Variants in HIF1AN observed in about 807,000 individuals in gnomAD.
HIF1AN encodes hypoxia-inducible factor 1-alpha inhibitor.
HIF1AN carries 21 observed loss-of-function variants against 47.7 expected under a neutral mutation model. That is an observed-to-expected ratio of 0.44 (90% CI 0.31 to 0.63). The LOEUF (loss-of-function observed/expected upper bound fraction) is 0.63, where lower values mean the gene tolerates loss of function less well. HIF1AN is among the 30% of genes least tolerant of loss of function. HIF1AN has a pLI of 0.07. For synonymous variants in HIF1AN, 152 were observed against 155.9 expected, an observed-to-expected ratio of 0.98 and a Z score of 0.18; for missense variants, 320 against 432.7, an observed-to-expected ratio of 0.74 and a Z score of 2.31.
At chr10:100,542,401 T>A (rs1247656552) in intron 3 of HIF1AN, among the ~76,000 whole-genome samples, 1 of 152,216 alleles carries the variant, frequency 6.6e-6, no homozygotes, top group East Asian at 1.9e-4. Flanking sequence ...TCGCCCAGGC[T>A]GGAGTGCAGT....
In HIF1AN at chr10:100,551,011, G is replaced by A. The variant is rs949501678; in HGVS notation, c.*2874G>A. ...GGACACACACATACAGCAAGTGAAG[G>A]TGGGGGTTTGGGCCTGTATAGAGGT... On this transcript the variant is annotated 3_prime_UTR_variant, in exon 8 of 8. Coordinates refer to ENST00000299163, the MANE Select transcript of HIF1AN (RefSeq NM_017902.3). 1 of 152,272 alleles carries A rather than the reference G, an allele frequency of 6.6e-6. No homozygotes were observed. Among genetic ancestry groups the A allele is most frequent in the African/African-American group, 2.4e-5 (1 of 41,462 alleles). The allele number at this position is 152,272 out of a possible 1,614,324, so 9.4% of individuals were successfully genotyped here.
At chr10:100,536,373 A>G (rs755835688) in intron 1 of HIF1AN, 38 bp from the exon 2 acceptor site, 74 of 1,606,276 alleles carry the variant, frequency 4.6e-5, no homozygotes, top group Non-Finnish European at 2.9e-5. Flanking sequence ...CCTTGGCATT[A>G]CTTCATTTGG....
Position 100,535,978 on chromosome 10 carries a change from A to C in HIF1AN, c.20A>C (p.Glu7Ala), listed in dbSNP as rs1852212945. ...GCGGAGATGGCGGCGACAGCGGCGG[A>C]GGCTGTGGCCTCTGGCTCTGGAGAG... MAATAA[E>A]AVASGSGEPR... The change falls in exon 1 of 8, where the codon GAG becomes GCG. Residue 7 changes from glutamate (E) to alanine (A), a missense_variant. Glu to Ala is a moderately radical substitution (Grantham distance 107). Around this residue, in one of 2 missense-constraint regions of HIF1AN, gnomAD observed 159 missense variants for 159.9 expected, o/e 0.99. Coordinates refer to ENST00000299163, the MANE Select transcript of HIF1AN (RefSeq NM_017902.3). The C allele has an allele frequency of 2.6e-6, 4 of 1,550,116 alleles. No homozygotes were observed. In the South Asian group the frequency reaches 3.6e-5, roughly 14 times the overall value.
rs147675221 is a variant in HIF1AN at position 100,545,401 on chromosome 10, A to G, written c.723+305A>G. 330 of 327,712 alleles carry G rather than the reference A, an allele frequency of 1.0e-3. 3 individuals are homozygous for G. Among genetic ancestry groups the G allele is most frequent in the African/African-American group, 6.6e-3 (314 of 47,384 alleles). 20.3% of individuals were successfully genotyped at this position (327,712 alleles called of 1,614,324 possible). On this transcript the variant is annotated intron_variant, in intron 4 of 7. Transcript: ENST00000299163. Reference sequence around the variant, plus strand: ...TATAAGTTTATGGAACAAAATGTGTATGTCTCCATTGGATTTAATCATTGT... The same window carrying G: ...TATAAGTTTATGGAACAAAATGTGTGTGTCTCCATTGGATTTAATCATTGT...
rs1330217072 is a variant in HIF1AN at position 100,551,825 on chromosome 10, C to G, written c.*3688C>G. The G allele has an allele frequency of 6.6e-6, 1 of 152,158 alleles. No individual in the cohort carries two copies. The highest frequency in any genetic ancestry group is 1.5e-5 in the Non-Finnish European group (1 of 68,048). The allele number at this position is 152,158 out of a possible 1,614,324, so 9.4% of individuals were successfully genotyped here. A position where few individuals can be genotyped will look rare whatever the true frequency, so the allele number is the denominator to read the frequency against. On this transcript the variant is annotated 3_prime_UTR_variant, in exon 8 of 8. Coordinates refer to ENST00000299163, the MANE Select transcript of HIF1AN (RefSeq NM_017902.3). Reference sequence around the variant, plus strand: ...ATGAAGCAACCAGAGGTTATAAGGCCACACTTGTATATCGTGCACCCTGTG... The same window carrying G: ...ATGAAGCAACCAGAGGTTATAAGGCGACACTTGTATATCGTGCACCCTGTG...
chr10:100,546,440 G>GCCCCCCCCCCCCCCCCCCCCCCCC, intron 5 of HIF1AN, 78 bp from the exon 6 acceptor site: 1 of 750,772 alleles, frequency 1.3e-6, no homozygotes, highest in Non-Finnish European at 2.2e-6. Flanking sequence ...GCCCAACCCT[G>GCCCCCCCCCCCCCCCCCCCCCCCC]CCACCCCCCC....
rs754199362 is a variant in HIF1AN at position 100,545,113 on chromosome 10, T to A, written c.723+17T>A. The A allele has an allele frequency of 2.2e-5, 36 of 1,613,386 alleles. No individual in the cohort carries two copies. Among genetic ancestry groups the A allele is most frequent in the Middle Eastern group, 1.6e-4 (1 of 6,072 alleles). Reference sequence around the variant, plus strand: ...CAGAGCCAGGTGAGCTTGTGTGGTCTGAGAAGGGTATAGAACTCTAGATTC... The same window carrying A: ...CAGAGCCAGGTGAGCTTGTGTGGTCAGAGAAGGGTATAGAACTCTAGATTC... On this transcript the variant is annotated intron_variant, in intron 4 of 7. Coordinates refer to ENST00000299163, the MANE Select transcript of HIF1AN (RefSeq NM_017902.3).
rs373339782 is a variant in HIF1AN, at chr10:100,543,715, G to A, written c.578-1236G>A. Among the ~76,000 whole-genome samples, 5 of 152,250 alleles carry A rather than the reference G, an allele frequency of 3.3e-5. No homozygotes were observed. In the East Asian group the frequency reaches 9.6e-4, roughly 29 times the overall value. On this transcript the variant is annotated intron_variant, in intron 3 of 7. Coordinates refer to ENST00000299163, the MANE Select transcript of HIF1AN (RefSeq NM_017902.3). ...GCCTCCCAAGTAGCTGGGACTGTAGGCGCCCGCCACCACGCCCGGCTAATT... is the reference window on the plus strand; with the variant it reads ...GCCTCCCAAGTAGCTGGGACTGTAGACGCCCGCCACCACGCCCGGCTAATT...
At chr10:100,536,187 A>G in intron 1 of HIF1AN, 52 bp downstream of exon 1, 1 of 1,506,724 alleles carries the variant, frequency 6.6e-7, no homozygotes, top group Non-Finnish European at 9.0e-7. Context: ...CCCGGTTGAG[A>G]GGTCAGAGGT....
rs1390598075 is a variant in HIF1AN at position 100,556,156 on chromosome 10, A to G, written c.*8019A>G. The stretch of plus-strand genomic sequence containing the variant: ...GGGCATATCTAGTTGTCAGCTCCTG[A>G]GCAGAGCAGAGGTATAAGTGTCAAC... On this transcript the variant is annotated 3_prime_UTR_variant, in exon 8 of 8. Transcript: ENST00000299163. 2.0e-5 allele frequency: 3 copies of G among 152,166 alleles called. No individual in the cohort carries two copies. The highest frequency in any genetic ancestry group is 4.8e-5 in the African/African-American group (2 of 41,422). The allele number at this position is 152,166 out of a possible 1,614,324, so 9.4% of individuals were successfully genotyped here.
chr10:100,550,140 G>C lies in HIF1AN; in HGVS notation c.*2003G>C, dbSNP rs556220241. 3 of 152,160 alleles carry C rather than the reference G, an allele frequency of 2.0e-5. No individual in the cohort carries two copies. The highest frequency in any genetic ancestry group is 2.0e-4 in the Admixed American group (3 of 15,274). The allele number at this position is 152,160 out of a possible 1,614,324, so 9.4% of individuals were successfully genotyped here. ...CCTCAGCAGGTCTGCTGTATTCCTC[G>C]CTCAGCGCTCAAAGATGTGGGTGAT... On this transcript the variant is annotated 3_prime_UTR_variant, in exon 8 of 8. Coordinates refer to ENST00000299163, the MANE Select transcript of HIF1AN (RefSeq NM_017902.3).
In HIF1AN at chr10:100,546,044, G is replaced by A. The variant is rs747922499; in HGVS notation, c.825G>A (p.Met275Ile). 3.7e-6 allele frequency: 6 copies of A among 1,609,082 alleles called. No homozygotes were observed. Among genetic ancestry groups the A allele is most frequent in the South Asian group, 3.3e-5 (3 of 90,930 alleles). Reference protein sequence around the residue: ...VGPGDVLYIPMYWWHHIESLL... With the variant: ...VGPGDVLYIPIYWWHHIESLL... The stretch of plus-strand genomic sequence containing the variant: ...CTGGTGATGTTCTTTACATCCCAAT[G>A]TACTGGTGAGAAGGGGGCTAGGGCT... Residue 275 changes from methionine to isoleucine, a missense_variant, in exon 5 of 8, where the codon ATG (methionine) becomes ATA (isoleucine). Transcript: ENST00000299163.
rs556257726 is a variant in HIF1AN at position 100,544,060 on chromosome 10, T to C, written c.578-891T>C. On this transcript the variant is annotated intron_variant, in intron 3 of 7. Coordinates refer to ENST00000299163, the MANE Select transcript of HIF1AN (RefSeq NM_017902.3). Reference sequence around the variant, plus strand: ...GGAAGATTGTCTAAATTCCATGCCCTGCAAAAGTGTGTGTTCAACTCATGG... The same window carrying C: ...GGAAGATTGTCTAAATTCCATGCCCCGCAAAAGTGTGTGTTCAACTCATGG... 4.6e-5 allele frequency among the ~76,000 whole-genome samples: 7 copies of C among 152,322 alleles called. No individual in the cohort carries two copies. The South Asian group carries it at 1.0e-3, about 23-fold the overall frequency.
At chr10:100,536,725 T>A (rs767609994) in intron 2 of HIF1AN, 64 bp downstream of exon 2, 284 of 1,574,312 alleles carry the variant, frequency 1.8e-4, no homozygotes, top group Non-Finnish European at 2.0e-4. Flanking sequence ...CCTATACTTG[T>A]TTGAAGGTGT....
Position 100,549,778 on chromosome 10 carries a change from T to A in HIF1AN, c.*1641T>A, listed in dbSNP as rs1843137338. The A allele has an allele frequency of 6.6e-6, 1 of 151,966 alleles. No homozygotes were observed. The highest frequency in any genetic ancestry group is 6.6e-5 in the Admixed American group (1 of 15,222). The allele number at this position is 151,966 out of a possible 1,614,324, so 9.4% of individuals were successfully genotyped here. A position where few individuals can be genotyped will look rare whatever the true frequency, so the allele number is the denominator to read the frequency against. ...CTTTTTTTTTTTTTTTGCCAAAGGTTTACTTCCAGCATCTGAGCTCTGGCT... is the reference window on the plus strand; with the variant it reads ...CTTTTTTTTTTTTTTTGCCAAAGGTATACTTCCAGCATCTGAGCTCTGGCT... On this transcript the variant is annotated 3_prime_UTR_variant, in exon 8 of 8. Coordinates refer to ENST00000299163, the MANE Select transcript of HIF1AN (RefSeq NM_017902.3).
Position 100,547,147 on chromosome 10 carries a change from C to G in HIF1AN, c.902C>G (p.Pro301Arg). 1 of 1,612,066 alleles carries G rather than the reference C, an allele frequency of 6.2e-7. No individual in the cohort carries two copies. The highest frequency in any genetic ancestry group is 8.5e-7 in the Non-Finnish European group (1 of 1,178,598). ...ITVNFWYKGA[P>R]TPKRIEYPLK... ...CTACTGCTTCCTTTGTAGGGGGCTC[C>G]CACCCCTAAGAGAATTGAATATCCT... The change falls in exon 7 of 8, where the codon CCC becomes CGC. Residue 301 changes from proline to arginine, a missense_variant. Physicochemically the swap from Pro to Arg is moderately radical, Grantham distance 103. Around this residue, in one of 2 missense-constraint regions of HIF1AN, gnomAD observed 161 missense variants for 272.8 expected, o/e 0.59. Transcript: ENST00000299163.
chr10:100,541,334 T>C (rs1008345455), intron 3 of HIF1AN, among the ~76,000 whole-genome samples: 2 of 152,124 alleles, frequency 1.3e-5, no homozygotes, highest in African/African-American at 4.8e-5. Context: ...GAGGCTACAG[T>C]GAACTATGAT....
rs1283247024 is a variant in HIF1AN, at chr10:100,556,189, T to C, written c.*8052T>C. The C allele has an allele frequency of 6.6e-6, 1 of 152,216 alleles. No homozygotes were observed. The highest frequency in any genetic ancestry group is 2.4e-5 in the African/African-American group (1 of 41,448). The allele number at this position is 152,216 out of a possible 1,614,324, so 9.4% of individuals were successfully genotyped here. A position where few individuals can be genotyped will look rare whatever the true frequency, so the allele number is the denominator to read the frequency against. The stretch of plus-strand genomic sequence containing the variant: ...AGAGGTATAAGTGTCAACTCATGCT[T>C]GTGTTACCAGTTCCTACCCCTGTCA... On this transcript the variant is annotated 3_prime_UTR_variant, in exon 8 of 8. Transcript: ENST00000299163.
Position 100,546,599 on chromosome 10 carries a change from T to C in HIF1AN, c.894+18T>C. 2 of 1,607,828 alleles carry C rather than the reference T, an allele frequency of 1.2e-6. No individual in the cohort carries two copies. Among genetic ancestry groups the C allele is most frequent in the Non-Finnish European group, 1.7e-6 (2 of 1,175,016 alleles). ...GGTATAAGGTGAATATGGTTTGCTT[T>C]TTTTGTTTTTTCCAGATGGAACTGG... On this transcript the variant is annotated intron_variant, in intron 6 of 7. Coordinates refer to ENST00000299163, the MANE Select transcript of HIF1AN (RefSeq NM_017902.3).
Sources: allele counts gnomAD v4.1 joint callset (sites outside exome capture counted in the v4.1 genomes callset), GRCh38; gene constraint gnomAD v4.1.1; regional missense constraint gnomAD v4.1.1; transcripts MANE v1.5; gene names NCBI Gene and HGNC (gene_info 2026-07-23, HGNC 2026-07-21).